MIER1: variants seen among roughly 807,000 people sequenced by gnomAD.
The protein encoded by MIER1 is MIER1 transcriptional regulator, also known as mesoderm induction early response protein 1.
A neutral mutation model predicts 75.7 loss-of-function variants in MIER1; 40 were observed. That is an observed-to-expected ratio of 0.53 (90% CI 0.41 to 0.69). MIER1 has a LOEUF of 0.69. Among genes scored for constraint, MIER1 ranks in the 30% least tolerant of loss-of-function variants. MIER1 has a pLI of 0.00. For synonymous variants in MIER1, 213 were observed against 223.4 expected (o/e 0.95, Z 0.42); for missense variants, 574 against 680.2 (o/e 0.84, Z 1.74).
chr1:66,945,399 G>T (rs1007810034), intron 3 of MIER1, among the ~76,000 whole-genome samples: 3 of 150,934 alleles, frequency 2.0e-5, no homozygotes, highest in Admixed American at 6.6e-5. Flanking sequence ...ACGCCTGTAC[G>T]TGTTGAAGAC....
intron 13 of MIER1, among the ~76,000 whole-genome samples, chr1:66,983,790 C>T (rs967482582): frequency 4.6e-5 from 7 of 152,180 alleles, no homozygotes; most frequent in African/African-American, 1.7e-4. Flanking sequence ...TGCAGTGGCA[C>T]AATCTCGGCT....
chr1:66,957,088 A>C (rs1025863747), intron 4 of MIER1, among the ~76,000 whole-genome samples: 6 of 152,082 alleles, frequency 3.9e-5, no homozygotes, highest in Non-Finnish European at 5.9e-5. Context: ...TGTGCATTGT[A>C]TGTGGGTGTG....
chr1:66,935,122 T>G (rs941347620), intron 2 of MIER1, among the ~76,000 whole-genome samples: 1 of 151,840 alleles, frequency 6.6e-6, no homozygotes, highest in South Asian at 2.1e-4. Context: ...GTTGTTAGGG[T>G]TTTTTTGGTG....
intron 2 of MIER1, chr1:66,930,438 G>C (rs754907078): frequency 6.2e-7 from 1 of 1,601,876 alleles, no homozygotes; most frequent in Admixed American, 1.7e-5. Flanking sequence ...CCCGGAGCCG[G>C]GCGCCCCCGG....
At chr1:66,926,773 T>G (rs1258461590) in intron 2 of MIER1, among the ~76,000 whole-genome samples, 2 of 152,180 alleles carry the variant, frequency 1.3e-5, no homozygotes, top group African/African-American at 4.8e-5. Context: ...CTGAAAATTG[T>G]TAGATATAGA....
At chr1:66,949,670 T>C (rs547865764) in intron 4 of MIER1, among the ~76,000 whole-genome samples, 18 of 152,372 alleles carry the variant, frequency 1.2e-4, no homozygotes, top group African/African-American at 4.3e-4. Context: ...ATTAACTCTT[T>C]AGGTTTGAAC....
chr1:66,985,749 G>A lies in MIER1; in HGVS notation c.*849G>A, dbSNP rs540522746. 3.7e-4 allele frequency: 361 copies of A among 969,812 alleles called. No homozygotes were observed. Among genetic ancestry groups the A allele is most frequent in the Non-Finnish European group, 4.3e-4 (350 of 818,356 alleles). 60.1% of individuals were successfully genotyped at this position (969,812 alleles called of 1,614,324 possible). A position where few individuals can be genotyped will look rare whatever the true frequency, so the allele number is the denominator to read the frequency against. ...AGGTTTTTCTAATGAATTTTTAAGTGTTTGTGTAGTAATTAAGTCATATTT... is the reference window on the plus strand; with the variant it reads ...AGGTTTTTCTAATGAATTTTTAAGTATTTGTGTAGTAATTAAGTCATATTT... On this transcript the variant is annotated 3_prime_UTR_variant, in exon 14 of 14. Transcript: ENST00000401041.
At chr1:66,925,170 G>A (rs762265005) in intron 1 of MIER1, 75 bp downstream of exon 1, 79 of 1,497,672 alleles carry the variant, frequency 5.3e-5, no homozygotes, top group Middle Eastern at 1.7e-4. Flanking sequence ...GGTGTCCTCA[G>A]TCCCCTTTCT....
At chr1:66,936,570 G>C (rs1654890084) in intron 2 of MIER1, among the ~76,000 whole-genome samples, 1 of 151,934 alleles carries the variant, frequency 6.6e-6, no homozygotes, top group Non-Finnish European at 1.5e-5. Context: ...GTTTATGGTA[G>C]TAATTAATGG....
intron 2 of MIER1, among the ~76,000 whole-genome samples, chr1:66,936,027 A>C (rs1275334027): frequency 1.3e-5 from 2 of 152,200 alleles, no homozygotes; most frequent in East Asian, 3.8e-4. Context: ...CTTTTTTAAA[A>C]TATATCAGTA....
At chr1:66,927,648 A>G (rs1164244553) in intron 2 of MIER1, among the ~76,000 whole-genome samples, 1 of 152,154 alleles carries the variant, frequency 6.6e-6, no homozygotes, top group Non-Finnish European at 1.5e-5. Context: ...AACTAAGGGT[A>G]ATGGATGGAA....
chr1:66,985,087 C>G lies in MIER1; in HGVS notation c.*187C>G. The G allele has an allele frequency of 7.6e-7, 1 of 1,321,978 alleles. No individual in the cohort carries two copies. The highest frequency in any genetic ancestry group is 9.7e-7 in the Non-Finnish European group (1 of 1,032,514). The allele number at this position is 1,321,978 out of a possible 1,614,324, so 81.9% of individuals were successfully genotyped here. ...ATTTTTTTACTTTAAAGCTGTCAGA[C>G]TCTTTTAAGGGTATTTTAAAAATTA... is the stretch of plus-strand genomic sequence containing the variant. On this transcript the variant is annotated 3_prime_UTR_variant, in exon 14 of 14. Transcript: ENST00000401041.
chr1:66,967,676 C>A (rs894815906), intron 8 of MIER1, among the ~76,000 whole-genome samples: 2 of 143,660 alleles, frequency 1.4e-5, no homozygotes, highest in Non-Finnish European at 3.1e-5. Flanking sequence ...TCTTTAATTT[C>A]TTTTGTCAAT....
Position 66,976,627 on chromosome 1 carries a change from A to T in MIER1, c.1134A>T (p.Ala378=), listed in dbSNP as rs759953524. 2.5e-6 allele frequency: 4 copies of T among 1,606,098 alleles called. No individual in the cohort carries two copies. The Middle Eastern group carries it at 6.6e-4, about 266-fold the overall frequency. Residue 378 remains alanine (A), a synonymous_variant, in exon 12 of 14, where the codon GCA becomes GCT. Transcript: ENST00000401041. ...VRTRSVGECV[A]FYYMWKKSER... ...CAAGGTCAGTTGGTGAATGTGTAGCATTCTATTACATGTGGAAAAAATCTG... is the reference window on the plus strand; with the variant it reads ...CAAGGTCAGTTGGTGAATGTGTAGCTTTCTATTACATGTGGAAAAAATCTG...
At chr1:66,929,215 A>G (rs1047276202) in intron 2 of MIER1, 4 of 448,682 alleles carry the variant, frequency 8.9e-6, no homozygotes, top group Non-Finnish European at 8.1e-6. Flanking sequence ...ATTGGTTCAC[A>G]TTATTTGGAA....
chr1:66,938,763 A>G (rs986694021), intron 2 of MIER1, among the ~76,000 whole-genome samples: 1 of 152,146 alleles, frequency 6.6e-6, no homozygotes, highest in Non-Finnish European at 1.5e-5. Context: ...GAAATATGCA[A>G]TACTGGTTAT....
At chr1:66,978,731 C>T (rs186324541) in intron 12 of MIER1, among the ~76,000 whole-genome samples, 159 of 152,170 alleles carry the variant, frequency 1.0e-3, no homozygotes, top group African/African-American at 3.7e-3. Context: ...ATAAGAATGG[C>T]CATGCTGGGT....
At chr1:66,944,838 G>T (rs1424507693) in intron 3 of MIER1, among the ~76,000 whole-genome samples, 1 of 151,864 alleles carries the variant, frequency 6.6e-6, no homozygotes, top group Non-Finnish European at 1.5e-5. Context: ...CACTTCTCCT[G>T]CCTTAGCCTC....
At chr1:66,975,133 G>T (rs925232929) in intron 11 of MIER1, among the ~76,000 whole-genome samples, 3 of 152,074 alleles carry the variant, frequency 2.0e-5, no homozygotes, top group Admixed American at 2.0e-4. Flanking sequence ...TGTCCTTTAG[G>T]TGCAATCAGT....
Sources: allele counts gnomAD v4.1 joint callset (sites outside exome capture counted in the v4.1 genomes callset), GRCh38; gene constraint gnomAD v4.1.1; transcripts MANE v1.5; gene names NCBI Gene and HGNC (gene_info 2026-07-23, HGNC 2026-07-21).